Variants in DLG2 observed in about 807,000 individuals in gnomAD.
The protein encoded by DLG2 is disks large homolog 2.
A neutral mutation model predicts 132.5 loss-of-function variants in DLG2; 45 were observed. The observed-to-expected ratio is 0.34, with a 90% confidence interval of 0.27 to 0.44. The LOEUF (loss-of-function observed/expected upper bound fraction) is 0.44. Among genes scored for constraint, DLG2 ranks in the 20% least tolerant of loss-of-function variants. DLG2 has a pLI of 1.00. For synonymous variants in DLG2, 424 were observed against 419.6 expected (o/e 1.01, Z -0.13); for missense variants, 1,045 against 1,196.9 (o/e 0.87, Z 1.87).
At chr11:85,414,489 T>G (rs1161383867) in intron 3 of DLG2, among the ~76,000 whole-genome samples, 2 of 151,872 alleles carry the variant, frequency 1.3e-5, no homozygotes, top group Non-Finnish European at 2.9e-5. Context: ...TTTCGTAAAT[T>G]TGTTGAGGCT....
At chr11:84,889,215 T>C (rs2088887448) in intron 6 of DLG2, among the ~76,000 whole-genome samples, 1 of 152,128 alleles carries the variant, frequency 6.6e-6, no homozygotes, top group African/African-American at 2.4e-5. Flanking sequence ...TCTCTATAGT[T>C]ACTTAAAAGG....
intron 6 of DLG2, among the ~76,000 whole-genome samples, chr11:84,921,400 A>C (rs1359000585): frequency 2.0e-5 from 3 of 152,186 alleles, no homozygotes; most frequent in Admixed American, 2.0e-4. Context: ...ATCTCAGTAC[A>C]GATTAGCCAA....
chr11:84,653,810 A>G (rs2099684938), intron 6 of DLG2, among the ~76,000 whole-genome samples: 1 of 152,162 alleles, frequency 6.6e-6, no homozygotes, highest in Non-Finnish European at 1.5e-5. Flanking sequence ...CTTTCATGCA[A>G]TAACAGGATG....
chr11:84,081,814 A>G (rs2096908283), intron 10 of DLG2, among the ~76,000 whole-genome samples: 1 of 152,226 alleles, frequency 6.6e-6, no homozygotes, highest in Non-Finnish European at 1.5e-5. Context: ...CATGATTTAT[A>G]ATCCTTTGGG....
intron 6 of DLG2, among the ~76,000 whole-genome samples, chr11:84,920,712 T>C (rs1197263794): frequency 1.0e-5 from 1 of 97,398 alleles, no homozygotes; most frequent in African/African-American, 3.5e-5. Context: ...TGTTTGTAAA[T>C]ATGTGTGTGT....
chr11:84,254,263 T>C (rs968710288), intron 7 of DLG2, among the ~76,000 whole-genome samples: 1 of 152,166 alleles, frequency 6.6e-6, no homozygotes, highest in East Asian at 1.9e-4. Flanking sequence ...TAATAATGTG[T>C]TATGGGAATA....
At chr11:83,818,219 C>A (rs2049644446) in intron 17 of DLG2, among the ~76,000 whole-genome samples, 1 of 152,206 alleles carries the variant, frequency 6.6e-6, no homozygotes, top group African/African-American at 2.4e-5. Context: ...TCTCCTGCAT[C>A]TGGTGTCTTG....
chr11:83,731,106 T>C (rs998785754), intron 18 of DLG2, among the ~76,000 whole-genome samples: 1 of 152,220 alleles, frequency 6.6e-6, no homozygotes, highest in Non-Finnish European at 1.5e-5. Flanking sequence ...CGTTATGTAA[T>C]TTCCCTACCT....
chr11:84,245,168 T>C (rs544123716), intron 8 of DLG2, among the ~76,000 whole-genome samples: 1 of 152,170 alleles, frequency 6.6e-6, no homozygotes, highest in South Asian at 2.1e-4. Flanking sequence ...CAATTGTGTC[T>C]CTATGTCACT....
intron 7 of DLG2, among the ~76,000 whole-genome samples, chr11:84,450,467 T>A: frequency 6.7e-6 from 1 of 149,814 alleles, no homozygotes; most frequent in African/African-American, 2.5e-5. Flanking sequence ...TTGGAAAACA[T>A]GAGATGTGTT....
intron 8 of DLG2, among the ~76,000 whole-genome samples, chr11:84,166,113 C>G (rs1371394345): frequency 6.6e-6 from 1 of 152,154 alleles, no homozygotes; most frequent in Non-Finnish European, 1.5e-5. Context: ...TCTCTCATTA[C>G]AGGGAGAGTG....
intron 3 of DLG2, among the ~76,000 whole-genome samples, chr11:85,583,130 GTATATATATATATA>G (rs3068386): frequency 6.2e-3 from 85 of 13,608 alleles, no homozygotes; most frequent in Non-Finnish European, 5.5e-3. Context: ...GTGTGTGTGT[GTATATATATATATA>G]TATATATATA....
chr11:85,202,808 G>GA (rs1312208730), intron 4 of DLG2, among the ~76,000 whole-genome samples: 1 of 151,770 alleles, frequency 6.6e-6, no homozygotes, highest in Non-Finnish European at 1.5e-5. Context: ...ATGAGTCAAT[G>GA]AAAAAATCAA....
intron 18 of DLG2, among the ~76,000 whole-genome samples, chr11:83,758,757 T>A (rs767945130): frequency 3.9e-5 from 6 of 152,220 alleles, no homozygotes; most frequent in Non-Finnish European, 8.8e-5. Flanking sequence ...TACCACAGTT[T>A]CAATCTTACT....
At chr11:83,671,083 G>T (rs1483467834) in intron 18 of DLG2, among the ~76,000 whole-genome samples, 2 of 152,072 alleles carry the variant, frequency 1.3e-5, no homozygotes, top group Non-Finnish European at 2.9e-5. Context: ...TTAAACACAA[G>T]GAAAATGTTT....
chr11:85,351,323 G>A (rs1210432191), intron 3 of DLG2, among the ~76,000 whole-genome samples: 1 of 152,102 alleles, frequency 6.6e-6, no homozygotes, highest in Non-Finnish European at 1.5e-5. Context: ...GAGATGATGG[G>A]GTTTTCTAAA....
intron 6 of DLG2, among the ~76,000 whole-genome samples, chr11:84,619,745 A>G (rs1481361843): frequency 1.3e-5 from 2 of 151,750 alleles, no homozygotes; most frequent in Non-Finnish European, 3.0e-5. Flanking sequence ...TTCAAAATTA[A>G]TGCTTTTTTT....
chr11:85,522,123 T>G (rs1163346581), intron 3 of DLG2, among the ~76,000 whole-genome samples: 1 of 152,058 alleles, frequency 6.6e-6, no homozygotes, highest in African/African-American at 2.4e-5. Context: ...CTGGGTTGGG[T>G]CCAGGGCCCT....
intron 7 of DLG2, among the ~76,000 whole-genome samples, chr11:84,510,033 C>G (rs969350772): frequency 2.6e-5 from 4 of 151,290 alleles, no homozygotes; most frequent in African/African-American, 9.7e-5. Context: ...TTTAGCAAAA[C>G]TGCAGACAGC....
Sources: allele counts gnomAD v4.1 joint callset (sites outside exome capture counted in the v4.1 genomes callset), GRCh38; gene constraint gnomAD v4.1.1; transcripts MANE v1.5; gene names NCBI Gene and HGNC (gene_info 2026-07-23, HGNC 2026-07-21).